SLC30A9: variants seen among roughly 807,000 people sequenced by gnomAD.
SLC30A9 encodes the protein proton-coupled zinc antiporter SLC30A9, mitochondrial.
In SLC30A9, 58 loss-of-function variants were observed where a neutral mutation model predicts 87.5. The ratio of observed to expected loss-of-function variants is 0.66; its 90% confidence interval spans 0.54 to 0.82. The LOEUF (loss-of-function observed/expected upper bound fraction) is 0.82, where lower values mean the gene tolerates loss of function less well. Ranked by LOEUF, SLC30A9 falls within the 40% of genes least tolerant of loss-of-function variation. The probability of loss-of-function intolerance (pLI) is 0.00; values close to 1 mark genes in which losing one functional copy is unlikely to be tolerated. For synonymous variants in SLC30A9, 234 were observed against 233.0 expected, an observed-to-expected ratio of 1.00 and a Z score of -0.04; for missense variants, 557 against 679.1, an observed-to-expected ratio of 0.82 and a Z score of 2.00.
chr4:42,063,912 G>C (rs1221437085), intron 11 of SLC30A9, among the ~76,000 whole-genome samples: 1 of 152,152 alleles, frequency 6.6e-6, no homozygotes, highest in African/African-American at 2.4e-5. Context: ...AATGCCCTTT[G>C]AGCAGCTGAT....
intron 8 of SLC30A9, among the ~76,000 whole-genome samples, chr4:42,044,835 T>A (rs1295879477): frequency 6.6e-6 from 1 of 152,022 alleles, no homozygotes; most frequent in Non-Finnish European, 1.5e-5. Context: ...CCTCAGCAAA[T>A]GCAGAAGAAC....
At chr4:42,028,724 C>G (rs1420855231) in intron 6 of SLC30A9, among the ~76,000 whole-genome samples, 1 of 152,168 alleles carries the variant, frequency 6.6e-6, no homozygotes, top group Non-Finnish European at 1.5e-5. Flanking sequence ...GAAATAGAAG[C>G]TGATAATCCT....
chr4:42,080,892 G>C (rs1718721043), intron 17 of SLC30A9, among the ~76,000 whole-genome samples: 1 of 152,158 alleles, frequency 6.6e-6, no homozygotes, highest in Admixed American at 6.5e-5. Context: ...GGAAAATACT[G>C]GTTCACAGAA....
intron 11 of SLC30A9, among the ~76,000 whole-genome samples, chr4:42,065,056 G>A (rs543089685): frequency 6.6e-6 from 1 of 152,244 alleles, no homozygotes; most frequent in East Asian, 1.9e-4. Context: ...TTGGTATTAG[G>A]CATGGAAGCA....
At chr4:42,065,797 A>T (rs1439194622) in intron 12 of SLC30A9, among the ~76,000 whole-genome samples, 2 of 152,230 alleles carry the variant, frequency 1.3e-5, no homozygotes, top group Non-Finnish European at 2.9e-5. Flanking sequence ...CACCACTACT[A>T]TCGCTGTTAC....
intron 6 of SLC30A9, chr4:42,029,827 AC>A: frequency 2.8e-6 from 2 of 725,210 alleles, no homozygotes. Flanking sequence ...ATGAAGTATA[AC>A]GCATCTGTGT....
intron 2 of SLC30A9, among the ~76,000 whole-genome samples, chr4:42,008,178 G>A (rs549112463): frequency 5.3e-5 from 8 of 152,098 alleles, no homozygotes; most frequent in Admixed American, 2.6e-4. Context: ...CTCTAGTTGC[G>A]TTCTCTTTCC....
chr4:42,066,508 C>T, intron 12 of SLC30A9, 42 bp from the exon 13 acceptor site: 2 of 1,295,588 alleles, frequency 1.5e-6, no homozygotes. Context: ...AGTTTGGAGG[C>T]ATGAAGTTTC....
At chr4:41,993,228 A>T (rs928829302) in intron 1 of SLC30A9, among the ~76,000 whole-genome samples, 2 of 151,360 alleles carry the variant, frequency 1.3e-5, no homozygotes, top group Non-Finnish European at 2.9e-5. Context: ...TATATTCAAA[A>T]TATTTCAACA....
intron 1 of SLC30A9, among the ~76,000 whole-genome samples, chr4:41,994,925 A>T (rs1714631840): frequency 6.6e-6 from 1 of 151,856 alleles, no homozygotes; most frequent in Non-Finnish European, 1.5e-5. Context: ...GATAAAAGTT[A>T]AATTCTTAGT....
intron 17 of SLC30A9, among the ~76,000 whole-genome samples, chr4:42,082,900 TAAA>T (rs1435073578): frequency 1.3e-5 from 2 of 152,034 alleles, no homozygotes; most frequent in Non-Finnish European, 1.5e-5. Context: ...GTAAAGGTGT[TAAA>T]AATAATAGAG....
rs779137106 is a variant in SLC30A9, at chr4:42,086,121, C to T, written c.1702C>T (p.Leu568=). ...PEVRHVDLEI[L] Reference sequence around the variant, plus strand: ...AGTTCGACATGTAGATTTGGAGATACTGTGAGTTTGATGGAATGAATCACC... The same window carrying T: ...AGTTCGACATGTAGATTTGGAGATATTGTGAGTTTGATGGAATGAATCACC... The change falls in exon 18 of 18, where the codon CTG becomes TTG. Residue 568 remains leucine (L), a synonymous_variant. Transcript: ENST00000264451. 6.6e-7 allele frequency: 1 copy of T among 1,512,912 alleles called. No homozygotes were observed. The highest frequency in any genetic ancestry group is 1.3e-5 in the South Asian group (1 of 74,678). The allele number at this position is 1,512,912 out of a possible 1,614,324, so 93.7% of individuals were successfully genotyped here. A position where few individuals can be genotyped will look rare whatever the true frequency, so the allele number is the denominator to read the frequency against.
At chr4:42,013,092 G>A (rs1403964064) in intron 2 of SLC30A9, among the ~76,000 whole-genome samples, 2 of 152,020 alleles carry the variant, frequency 1.3e-5, no homozygotes, top group Non-Finnish European at 2.9e-5. Context: ...ACCAGTCTGG[G>A]CAACATAGTG....
In SLC30A9 at chr4:42,089,336, A is replaced by C. The variant is rs1018758993; in HGVS notation, c.*3210A>C. ...TAGCTTTGGCTGAGAATGGATCTCTAATTCACTGTAAGTAGCAGTCCCCAA... is the reference window on the plus strand; with the variant it reads ...TAGCTTTGGCTGAGAATGGATCTCTCATTCACTGTAAGTAGCAGTCCCCAA... On this transcript the variant is annotated 3_prime_UTR_variant, in exon 18 of 18. Coordinates refer to ENST00000264451, the MANE Select transcript of SLC30A9 (RefSeq NM_006345.4). The C allele has an allele frequency of 6.6e-6, 1 of 152,190 alleles. No homozygotes were observed. The highest frequency in any genetic ancestry group is 1.5e-5 in the Non-Finnish European group (1 of 68,040). The allele number at this position is 152,190 out of a possible 1,614,324, so 9.4% of individuals were successfully genotyped here.
In SLC30A9 at chr4:42,063,085, A is replaced by T. The variant is rs1717931449; in HGVS notation, c.996A>T (p.Gly332=). 1 of 1,613,658 alleles carries T rather than the reference A, an allele frequency of 6.2e-7. No individual in the cohort carries two copies. Among genetic ancestry groups the T allele is most frequent in the Admixed American group, 1.7e-5 (1 of 59,970 alleles). ...AGLSWYHGVM[G]LLHPQPIESL... is the part of the protein sequence containing the mutation. ...TATCTTGGTACCATGGAGTCATGGG[A>T]TTGCTTCATCCTCAACCAATAGAAT... Residue 332 remains glycine, a synonymous_variant, in exon 11 of 18, where the codon GGA becomes GGT. Transcript: ENST00000264451.
intron 15 of SLC30A9, among the ~76,000 whole-genome samples, chr4:42,074,391 T>G (rs1314266519): frequency 6.6e-6 from 1 of 152,186 alleles, no homozygotes; most frequent in Admixed American, 6.5e-5. Flanking sequence ...TTGTTATTTC[T>G]TATATGTGCT....
At chr4:42,035,557 G>A (rs1716645911) in intron 7 of SLC30A9, among the ~76,000 whole-genome samples, 1 of 150,908 alleles carries the variant, frequency 6.6e-6, no homozygotes, top group Non-Finnish European at 1.5e-5. Flanking sequence ...GAGTGCAGTA[G>A]TGTAATCTCG....
intron 2 of SLC30A9, among the ~76,000 whole-genome samples, chr4:42,017,192 AT>A (rs965655387): frequency 6.6e-6 from 1 of 152,038 alleles, no homozygotes; most frequent in Non-Finnish European, 1.5e-5. Context: ...TGGGGCAGAC[AT>A]TTTTTCAAAT....
chr4:42,032,831 C>T (rs1716504362), intron 6 of SLC30A9, among the ~76,000 whole-genome samples: 1 of 152,172 alleles, frequency 6.6e-6, no homozygotes, highest in South Asian at 2.1e-4. Flanking sequence ...TCATCTTGTA[C>T]GTTTCCTGTC....
Sources: allele counts gnomAD v4.1 joint callset (sites outside exome capture counted in the v4.1 genomes callset), GRCh38; gene constraint gnomAD v4.1.1; transcripts MANE v1.5; gene names NCBI Gene and HGNC (gene_info 2026-07-23, HGNC 2026-07-21).